The following ZBTB7C variants were observed in gnomAD, a reference collection of about 807,000 sequenced individuals.
The protein encoded by ZBTB7C is zinc finger and BTB domain containing 7C.
In ZBTB7C, 8 loss-of-function variants were observed where a neutral mutation model predicts 25.7. That is an observed-to-expected ratio of 0.31 (90% CI 0.18 to 0.56). The LOEUF is 0.56. Among genes scored for constraint, ZBTB7C ranks in the 20% least tolerant of loss-of-function variants. ZBTB7C has a pLI of 0.91. For synonymous variants in ZBTB7C, 394 were observed against 369.0 expected (o/e 1.07, Z -0.78); for missense variants, 824 against 855.2 (o/e 0.96, Z 0.46).
chr18:48,241,835 A>G (rs2043538229), intron 2 of ZBTB7C, among the ~76,000 whole-genome samples: 1 of 152,192 alleles, frequency 6.6e-6, no homozygotes, highest in South Asian at 2.1e-4. Flanking sequence ...AACCCAGCAG[A>G]AGAAAAGAAA....
chr18:48,408,853 G>A (rs961734768), intron 1 of ZBTB7C, among the ~76,000 whole-genome samples: 13 of 151,208 alleles, frequency 8.6e-5, no homozygotes, highest in African/African-American at 2.4e-4. Context: ...TTCGCTCCGG[G>A]CCGCGGTGCC....
intron 1 of ZBTB7C, among the ~76,000 whole-genome samples, chr18:48,348,707 C>T (rs2046796546): frequency 6.6e-6 from 1 of 152,254 alleles, no homozygotes; most frequent in African/African-American, 2.4e-5. Context: ...ATCCCCGCTA[C>T]TCGGGAGGCT....
chr18:48,289,284 T>C (rs1479466079), intron 2 of ZBTB7C, among the ~76,000 whole-genome samples: 1 of 152,138 alleles, frequency 6.6e-6, no homozygotes, highest in East Asian at 1.9e-4. Context: ...CTCTCACACT[T>C]ATGCTCCAGG....
chr18:48,080,123 T>TG (rs2037925672), intron 3 of ZBTB7C, among the ~76,000 whole-genome samples: 1 of 152,186 alleles, frequency 6.6e-6, no homozygotes, highest in Non-Finnish European at 1.5e-5. Flanking sequence ...AGCTGAAGGA[T>TG]GACAGCCCCA....
chr18:48,321,676 G>A (rs2046096006), intron 2 of ZBTB7C, among the ~76,000 whole-genome samples: 1 of 152,150 alleles, frequency 6.6e-6, no homozygotes, highest in African/African-American at 2.4e-5. Context: ...CTAGGGGTGG[G>A]GAAACTGGAT....
chr18:48,079,477 C>T (rs1224290005), intron 3 of ZBTB7C, among the ~76,000 whole-genome samples: 1 of 152,202 alleles, frequency 6.6e-6, no homozygotes, highest in Non-Finnish European at 1.5e-5. Flanking sequence ...TAAATGGGCC[C>T]AGGGTCCACC....
chr18:48,254,237 C>T (rs551394767), intron 2 of ZBTB7C, among the ~76,000 whole-genome samples: 26 of 152,278 alleles, frequency 1.7e-4, no homozygotes, highest in Non-Finnish European at 3.4e-4. Context: ...GGGTGAATGC[C>T]GGCAGCAAAA....
chr18:48,294,270 C>T (rs1039899753), intron 2 of ZBTB7C, among the ~76,000 whole-genome samples: 1 of 152,178 alleles, frequency 6.6e-6, no homozygotes, highest in Non-Finnish European at 1.5e-5. Flanking sequence ...GTGGGAAAGG[C>T]GTTGAACCAG....
At chr18:48,365,383 A>G (rs1041280903) in intron 1 of ZBTB7C, among the ~76,000 whole-genome samples, 1 of 152,214 alleles carries the variant, frequency 6.6e-6, no homozygotes, top group Admixed American at 6.5e-5. Context: ...CCTGTGAATG[A>G]CTTCCAATAC....
chr18:48,235,053 T>A (rs1047488800), intron 2 of ZBTB7C, among the ~76,000 whole-genome samples: 6 of 152,302 alleles, frequency 3.9e-5, no homozygotes, highest in African/African-American at 1.4e-4. Flanking sequence ...ACTCATTCAC[T>A]TTCAATTTTT....
chr18:48,361,798 C>G (rs1376463294), intron 1 of ZBTB7C, among the ~76,000 whole-genome samples: 1 of 152,140 alleles, frequency 6.6e-6, no homozygotes, highest in Non-Finnish European at 1.5e-5. Context: ...CTCAGAAGCC[C>G]GAGGTGGAGG....
chr18:48,292,736 G>C (rs1338514139), intron 2 of ZBTB7C, among the ~76,000 whole-genome samples: 1 of 152,158 alleles, frequency 6.6e-6, no homozygotes, highest in Non-Finnish European at 1.5e-5. Flanking sequence ...TCAATACCTG[G>C]GTATGACAAG....
intron 2 of ZBTB7C, among the ~76,000 whole-genome samples, chr18:48,273,786 C>A (rs898200047): frequency 6.6e-6 from 1 of 152,010 alleles, no homozygotes; most frequent in Non-Finnish European, 1.5e-5. Flanking sequence ...TAAACTTCCA[C>A]AAAAATATTA....
chr18:48,184,251 G>C (rs1197533173), intron 3 of ZBTB7C, among the ~76,000 whole-genome samples: 2 of 152,160 alleles, frequency 1.3e-5, no homozygotes, highest in Non-Finnish European at 2.9e-5. Flanking sequence ...TGGACCCCGT[G>C]GCGCAGCACA....
intron 3 of ZBTB7C, among the ~76,000 whole-genome samples, chr18:48,075,500 A>G (rs768081260): frequency 1.3e-5 from 2 of 152,224 alleles, no homozygotes; most frequent in Non-Finnish European, 2.9e-5. Flanking sequence ...AACACAGAGC[A>G]GCCCTTCTTC....
At chr18:48,345,150 C>A (rs2046698318) in intron 1 of ZBTB7C, among the ~76,000 whole-genome samples, 1 of 152,202 alleles carries the variant, frequency 6.6e-6, no homozygotes, top group South Asian at 2.1e-4. Context: ...CTCACTATAG[C>A]AACAGGAAGA....
chr18:48,384,380 G>A (rs2047699494), intron 1 of ZBTB7C, among the ~76,000 whole-genome samples: 1 of 152,256 alleles, frequency 6.6e-6, no homozygotes. Flanking sequence ...GAGGGATTCA[G>A]AACACGACTG....
At chr18:48,174,589 CA>C (rs2041607692) in intron 3 of ZBTB7C, among the ~76,000 whole-genome samples, 1 of 152,204 alleles carries the variant, frequency 6.6e-6, no homozygotes, top group South Asian at 2.1e-4. Context: ...CATGCACAAG[CA>C]TTGTAGCATT....
chr18:48,310,340 G>A (rs1464011549), intron 2 of ZBTB7C, among the ~76,000 whole-genome samples: 1 of 151,658 alleles, frequency 6.6e-6, no homozygotes, highest in Middle Eastern at 3.2e-3. Flanking sequence ...TCCTGAGTAA[G>A]TGAAAACAAT....
Sources: gnomAD v4.1 joint callset for allele counts (sites outside exome capture counted in the v4.1 genomes callset) on GRCh38, gnomAD v4.1.1 for gene constraint, MANE v1.5 for transcripts, NCBI Gene and HGNC (gene_info 2026-07-23, HGNC 2026-07-21) for gene names.